The following CFAP74 variants were observed in gnomAD, a reference collection of about 807,000 sequenced individuals.
CFAP74 encodes cilia- and flagella-associated protein 74.
A neutral mutation model predicts 188.9 loss-of-function variants in CFAP74; 124 were observed. The observed-to-expected ratio is 0.66, with a 90% CI of 0.57 to 0.76. CFAP74 has a LOEUF of 0.76. CFAP74 is among the 30% of genes least tolerant of loss of function. The probability of loss-of-function intolerance (pLI) is 0.00; values close to 1 mark genes in which losing one functional copy is unlikely to be tolerated. For missense variants in CFAP74, 2,198 were observed against 2,165.2 expected, an observed-to-expected ratio of 1.02 and a Z score of -0.30; for synonymous variants, 956 against 916.7, an observed-to-expected ratio of 1.04 and a Z score of -0.77.
chr1:1,989,351 G>A (rs1195125562), intron 2 of CFAP74, among the ~76,000 whole-genome samples: 1 of 152,242 alleles, frequency 6.6e-6, no homozygotes, highest in African/African-American at 2.4e-5. Context: ...GACGGTGTGA[G>A]ACAAAGCCGT....
At chr1:1,953,829 C>T (rs1271733187) in intron 18 of CFAP74, 1 of 152,800 alleles carries the variant, frequency 6.5e-6, no homozygotes, top group Non-Finnish European at 1.5e-5. Context: ...AAACAAATTC[C>T]AATAGAAATG....
chr1:1,960,003 G>A lies in CFAP74; in HGVS notation c.1722C>T (p.Ala574=), dbSNP rs755490649. 131 of 1,594,974 alleles carry A rather than the reference G, an allele frequency of 8.2e-5. No homozygotes were observed. The highest frequency in any genetic ancestry group is 1.9e-4 in the East Asian group (8 of 42,374). Residue 574 remains alanine (A), a synonymous_variant, in exon 15 of 39, where the codon GCC becomes GCT. Coordinates refer to ENST00000682832, the MANE Select transcript of CFAP74 (RefSeq NM_001304360.2). ...TGACAAGCACTTCACAGGACATTCC[G>A]GCTGACAGGGGGCCAGGGGGGTCAA... ...VDFDPPGPLS[A]GMSCEVLVTF...
In CFAP74 at chr1:1,942,121, C is replaced by T. The variant is rs775599151; in HGVS notation, c.2522G>A (p.Cys841Tyr). 6.6e-5 allele frequency: 101 copies of T among 1,529,384 alleles called. No individual in the cohort carries two copies. The highest frequency in any genetic ancestry group is 8.7e-5 in the Non-Finnish European group (99 of 1,144,296). The allele number at this position is 1,529,384 out of a possible 1,614,324, so 94.7% of individuals were successfully genotyped here. A position where few individuals can be genotyped will look rare whatever the true frequency, so the allele number is the denominator to read the frequency against. Residue 841 changes from cysteine (C) to tyrosine (Y), a missense_variant, in exon 22 of 39, where the codon TGC (cysteine) becomes TAC (tyrosine). Physicochemically the swap from Cys to Tyr is radical, Grantham distance 194. Transcript: ENST00000682832. The surrounding 1 kb of genome is among the most constrained non-coding windows in gnomAD (Gnocchi z 4.3). Reference sequence around the variant, plus strand: ...CTCCAGGTGGGCCCTCAGCTCCTTGCACACCTCGAACTTCAGGCGCAGGGC... The same window carrying T: ...CTCCAGGTGGGCCCTCAGCTCCTTGTACACCTCGAACTTCAGGCGCAGGGC... ...KAALRLKFEV[C>Y]KELRAHLELL...
chr1:1,928,742 C>A, intron 27 of CFAP74, 42 bp downstream of exon 27: 1 of 1,446,082 alleles, frequency 6.9e-7, no homozygotes, highest in South Asian at 1.2e-5. Context: ...CTGCAACAGG[C>A]CCTTCCCCGA....
At chr1:1,993,242 TCTTTA>T (rs1248583928) in intron 1 of CFAP74, among the ~76,000 whole-genome samples, 3 of 149,498 alleles carry the variant, frequency 2.0e-5, no homozygotes, top group Non-Finnish European at 3.0e-5. Context: ...AATCACAAAC[TCTTTA>T]CTTATTTTTT....
intron 13 of CFAP74, among the ~76,000 whole-genome samples, chr1:1,964,600 G>A (rs1655328615): frequency 1.3e-5 from 2 of 152,344 alleles, no homozygotes; most frequent in Admixed American, 1.3e-4. Flanking sequence ...GACCAGCCTG[G>A]CCTACATGGT....
At chr1:1,945,211 G>A (rs989132635) in intron 20 of CFAP74, among the ~76,000 whole-genome samples, 1 of 152,144 alleles carries the variant, frequency 6.6e-6, no homozygotes, top group Non-Finnish European at 1.5e-5. Context: ...GGAGGCTGAG[G>A]TGGGAGAATC....
chr1:1,939,318 A>G (rs1041486563), intron 24 of CFAP74, among the ~76,000 whole-genome samples: 1 of 152,198 alleles, frequency 6.6e-6, no homozygotes, highest in Non-Finnish European at 1.5e-5. Flanking sequence ...CGTCCCAGCT[A>G]CCTTGTGTGG....
intron 18 of CFAP74, chr1:1,955,413 C>T (rs1477187658): frequency 6.9e-7 from 1 of 1,445,546 alleles, no homozygotes; most frequent in Non-Finnish European, 9.2e-7. Context: ...CTCTTCCCCG[C>T]CCTGTGCGGC....
At chr1:1,985,804 C>T (rs894772441) in intron 5 of CFAP74, among the ~76,000 whole-genome samples, 4 of 152,222 alleles carry the variant, frequency 2.6e-5, no homozygotes, top group Non-Finnish European at 2.9e-5. Flanking sequence ...GGACCCAGCA[C>T]GTGCGACAAG....
chr1:1,985,206 A>G, intron 6 of CFAP74, 180 bp downstream of exon 6: 1 of 549,182 alleles, frequency 1.8e-6, no homozygotes, highest in East Asian at 2.8e-5. Flanking sequence ...AGAAACTGAA[A>G]AAGGCAACGT....
Position 1,930,170 on chromosome 1 carries a change from T to C in CFAP74, c.3178A>G (p.Ile1060Val), listed in dbSNP as rs1274343867. 5 of 1,535,514 alleles carry C rather than the reference T, an allele frequency of 3.3e-6. No individual in the cohort carries two copies. Among genetic ancestry groups the C allele is most frequent in the Non-Finnish European group, 3.5e-6 (4 of 1,146,722 alleles). ...MSSPTHSKPR[I>V]GSEDASPMGP... ...ATGGGAGAGGCGTCCTCTGAGCCAA[T>C]GCGGGGCTTGGAGTGGGTCGGTGAG... is the stretch of plus-strand genomic sequence containing the variant. The change falls in exon 26 of 39, where the codon ATT becomes GTT. Residue 1060 changes from isoleucine (I) to valine (V), a missense_variant. Ile to Val is a conservative substitution (Grantham distance 29). Coordinates refer to ENST00000682832, the MANE Select transcript of CFAP74 (RefSeq NM_001304360.2).
At chr1:1,989,994 GC>G (rs1657475736) in intron 2 of CFAP74, among the ~76,000 whole-genome samples, 1 of 151,894 alleles carries the variant, frequency 6.6e-6, no homozygotes, top group Admixed American at 6.6e-5. Context: ...TTTTCCAGAG[GC>G]TGCATGACAG....
intron 23 of CFAP74, among the ~76,000 whole-genome samples, chr1:1,940,096 G>A (rs1377502702): frequency 1.3e-5 from 2 of 152,230 alleles, no homozygotes; most frequent in South Asian, 2.1e-4. Flanking sequence ...CAGGTGCCTG[G>A]GACACAGCCC....
At chr1:1,991,771 G>A (rs1047242061) in intron 1 of CFAP74, among the ~76,000 whole-genome samples, 2 of 152,156 alleles carry the variant, frequency 1.3e-5, no homozygotes, top group Non-Finnish European at 2.9e-5. Context: ...TGGGCGTGGT[G>A]GCTCACACCT....
chr1:1,937,323 A>G (rs1652969323), intron 25 of CFAP74, among the ~76,000 whole-genome samples: 1 of 152,234 alleles, frequency 6.6e-6, no homozygotes, highest in Non-Finnish European at 1.5e-5. Context: ...CACAGAACAG[A>G]GGAACATGTG....
rs1570801350 is a variant in CFAP74, at chr1:1,922,211, T to C, written c.*76A>G. The C allele has an allele frequency of 9.3e-7, 1 of 1,075,272 alleles. No homozygotes were observed. The highest frequency in any genetic ancestry group is 1.6e-5 in the African/African-American group (1 of 63,576). The allele number at this position is 1,075,272 out of a possible 1,614,324, so 66.6% of individuals were successfully genotyped here. A position where few individuals can be genotyped will look rare whatever the true frequency, so the allele number is the denominator to read the frequency against. On this transcript the variant is annotated 3_prime_UTR_variant, in exon 39 of 39. Transcript: ENST00000682832. The stretch of plus-strand genomic sequence containing the variant: ...GATGGCCAGGTCCCAGGCTCTAGGG[T>C]AGTATGACCTGGCCCTCAGCCTGGG...
At chr1:1,940,909 G>A (rs1047816970) in intron 22 of CFAP74, among the ~76,000 whole-genome samples, 54 of 152,156 alleles carry the variant, frequency 3.5e-4, no homozygotes, top group African/African-American at 1.2e-3. Flanking sequence ...TCAGGAGATG[G>A]AGACCATCCT....
chr1:1,936,237 A>G (rs1652887930), intron 25 of CFAP74, among the ~76,000 whole-genome samples: 1 of 148,894 alleles, frequency 6.7e-6, no homozygotes, highest in Admixed American at 6.7e-5. Context: ...AAAAAGAAAA[A>G]AAGAAAAGAA....
Sources: allele counts gnomAD v4.1 joint callset (sites outside exome capture counted in the v4.1 genomes callset), GRCh38; gene constraint gnomAD v4.1.1; non-coding constraint Gnocchi (gnomAD v3.1); transcripts MANE v1.5; gene names NCBI Gene and HGNC (gene_info 2026-07-23, HGNC 2026-07-21).